BBS9: variants seen among roughly 807,000 people sequenced by gnomAD.
The protein encoded by BBS9 is Bardet-Biedl syndrome 9, also known as protein PTHB1.
In BBS9, 89 loss-of-function variants were observed where a neutral mutation model predicts 117.7. The observed-to-expected ratio is 0.76, with a 90% CI of 0.64 to 0.90. The LOEUF (loss-of-function observed/expected upper bound fraction) is 0.90. Ranked by LOEUF, BBS9 falls within the 40% of genes least tolerant of loss-of-function variation. BBS9 has a pLI of 0.00. For synonymous variants in BBS9, 379 were observed against 370.9 expected (o/e 1.02, Z -0.25); for missense variants, 982 against 1,042.2 (o/e 0.94, Z 0.80).
intron 9 of BBS9, among the ~76,000 whole-genome samples, chr7:33,332,717 AAAAG>A (rs1814391664): frequency 6.6e-6 from 1 of 152,092 alleles, no homozygotes; most frequent in South Asian, 2.1e-4. Flanking sequence ...ACAAAAACAA[AAAAG>A]AAAAACAAGA....
chr7:33,150,856 A>G (rs1793201185), intron 2 of BBS9, among the ~76,000 whole-genome samples: 1 of 152,246 alleles, frequency 6.6e-6, no homozygotes, highest in Non-Finnish European at 1.5e-5. Context: ...ATAAAGAGTA[A>G]TACATCAACT....
At chr7:33,447,570 G>A (rs886924884) in intron 19 of BBS9, among the ~76,000 whole-genome samples, 1 of 152,130 alleles carries the variant, frequency 6.6e-6, no homozygotes, top group Non-Finnish European at 1.5e-5. Context: ...TTTCCAAAAA[G>A]ACTTTTTAAA....
At chr7:33,191,945 C>T (rs1053151544) in intron 5 of BBS9, among the ~76,000 whole-genome samples, 4 of 149,652 alleles carry the variant, frequency 2.7e-5, no homozygotes, top group Non-Finnish European at 4.4e-5. Context: ...ACATATGTAC[C>T]GGTAAAAAAA....
chr7:33,466,079 T>TAC (rs1840115182), intron 19 of BBS9, among the ~76,000 whole-genome samples: 1 of 152,084 alleles, frequency 6.6e-6, no homozygotes, highest in Non-Finnish European at 1.5e-5. Context: ...TATATATATA[T>TAC]ACACACATTG....
intron 5 of BBS9, among the ~76,000 whole-genome samples, chr7:33,229,095 T>A (rs1318228331): frequency 6.6e-6 from 1 of 152,194 alleles, no homozygotes; most frequent in Non-Finnish European, 1.5e-5. Flanking sequence ...TACAACATGA[T>A]TTATGAGTTA....
At chr7:33,368,205 G>A (rs916711137) in intron 17 of BBS9, among the ~76,000 whole-genome samples, 8 of 152,046 alleles carry the variant, frequency 5.3e-5, no homozygotes, top group Non-Finnish European at 1.0e-4. Context: ...ATATTTTTGA[G>A]GTAGGTATAT....
At chr7:33,536,628 A>G (rs1349369641) in intron 21 of BBS9, among the ~76,000 whole-genome samples, 1 of 67,256 alleles carries the variant, frequency 1.5e-5, no homozygotes, top group Admixed American at 1.3e-4. Flanking sequence ...AGTGGTACAG[A>G]TTTGTTTTTA....
intron 5 of BBS9, among the ~76,000 whole-genome samples, chr7:33,254,943 G>A (rs537786262): frequency 2.6e-5 from 4 of 152,122 alleles, no homozygotes; most frequent in Admixed American, 6.5e-5. Flanking sequence ...ACCTGTTGGC[G>A]ATTTGTATGT....
chr7:33,131,895 C>T (rs1562642624), intron 1 of BBS9, among the ~76,000 whole-genome samples: 1 of 151,994 alleles, frequency 6.6e-6, no homozygotes, highest in African/African-American at 2.4e-5. Flanking sequence ...TCTGAGTAAA[C>T]TTGTTGTAGA....
At chr7:33,488,420 A>G (rs958454428) in intron 19 of BBS9, among the ~76,000 whole-genome samples, 1 of 152,130 alleles carries the variant, frequency 6.6e-6, no homozygotes, top group African/African-American at 2.4e-5. Context: ...AGTTGTTGTG[A>G]ATACTTAATG....
At chr7:33,557,772 C>T (rs1406133625) in intron 21 of BBS9, among the ~76,000 whole-genome samples, 1 of 152,244 alleles carries the variant, frequency 6.6e-6, no homozygotes, top group African/African-American at 2.4e-5. Flanking sequence ...TGGCTTGGGA[C>T]ATCCTCCGTG....
chr7:33,453,167 A>G (rs1584886847), intron 19 of BBS9, among the ~76,000 whole-genome samples: 1 of 152,260 alleles, frequency 6.6e-6, no homozygotes, highest in African/African-American at 2.4e-5. Flanking sequence ...GAGTGGTGAT[A>G]TCATTAAGAC....
chr7:33,153,999 ATAG>A (rs1373787658), intron 3 of BBS9, among the ~76,000 whole-genome samples: 1 of 152,328 alleles, frequency 6.6e-6, no homozygotes, highest in South Asian at 2.1e-4. Context: ...ATCATTCTGT[ATAG>A]TAGTCCTTAA....
intron 7 of BBS9, 141 bp downstream of exon 7, chr7:33,264,515 C>T: frequency 2.0e-6 from 1 of 506,420 alleles, no homozygotes; most frequent in South Asian, 4.1e-5. Context: ...TATTAATGAC[C>T]TAAGAATTGA....
chr7:33,586,428 T>C (rs1018607190), intron 21 of BBS9, among the ~76,000 whole-genome samples: 2 of 151,546 alleles, frequency 1.3e-5, no homozygotes, highest in Non-Finnish European at 3.0e-5. Flanking sequence ...GAAAAGGGAA[T>C]GCTTATATAC....
At position 33,320,470 on chromosome 7, in the gene BBS9, A is replaced by G. The variant is rs192308410; in HGVS notation, c.1017-15971A>G. ...TATTCCATTGTGTATGTATAACAAC[A>G]TTTGCTTTATCCATTCGTCTGTTGA... is the stretch of plus-strand genomic sequence containing the variant. On this transcript the variant is annotated intron_variant, in intron 9 of 22. Transcript: ENST00000242067. 1.9e-3 allele frequency among the ~76,000 whole-genome samples: 291 copies of G among 152,160 alleles called. 1 individual carries two copies. The highest frequency in any genetic ancestry group is 6.2e-3 in the African/African-American group (258 of 41,530).
intron 5 of BBS9, among the ~76,000 whole-genome samples, chr7:33,206,429 T>C (rs1786936112): frequency 6.6e-6 from 1 of 152,188 alleles, no homozygotes; most frequent in Admixed American, 6.5e-5. Context: ...AGCTAAGACA[T>C]TATTATATTT....
At chr7:33,233,035 C>A (rs868164393) in intron 5 of BBS9, among the ~76,000 whole-genome samples, 1 of 151,992 alleles carries the variant, frequency 6.6e-6, no homozygotes, top group African/African-American at 2.4e-5. Context: ...TTGACTTAAG[C>A]CTTTAGCAGA....
intron 9 of BBS9, among the ~76,000 whole-genome samples, chr7:33,292,288 T>C (rs1804218535): frequency 6.6e-6 from 1 of 151,966 alleles, no homozygotes; most frequent in Non-Finnish European, 1.5e-5. Context: ...AGTGCAGTGG[T>C]GTGCCCATAG....
Sources: allele counts gnomAD v4.1 joint callset (sites outside exome capture counted in the v4.1 genomes callset), GRCh38; gene constraint gnomAD v4.1.1; transcripts MANE v1.5; gene names NCBI Gene and HGNC (gene_info 2026-07-23, HGNC 2026-07-21).